The following SRD5A3 variants were observed in gnomAD, a reference collection of about 807,000 sequenced individuals.
SRD5A3 encodes the protein polyprenal reductase.
SRD5A3 carries 24 observed loss-of-function variants against 34.3 expected under a neutral mutation model. The observed-to-expected ratio is 0.70, with a 90% CI of 0.51 to 0.99. SRD5A3 has a LOEUF of 0.99. SRD5A3 is among the 50% of genes least tolerant of loss of function. The pLI is 0.00. For missense variants in SRD5A3, 350 were observed against 388.2 expected (o/e 0.90, Z 0.83); for synonymous variants, 161 against 167.3 (o/e 0.96, Z 0.29).
At chr4:55,348,793 G>T (rs1370705013) in intron 1 of SRD5A3, among the ~76,000 whole-genome samples, 1 of 152,202 alleles carries the variant, frequency 6.6e-6, no homozygotes, top group Admixed American at 6.5e-5. Context: ...ACTAGCAAGG[G>T]TGGTACCTGA....
rs1718997748 is a variant in SRD5A3 at position 55,346,438 on chromosome 4, C to A, written c.102C>A (p.Leu34=). The stretch of plus-strand genomic sequence containing the variant: ...TCCTGCTGACCCTACTGCTGCAGCT[C>A]CTGCCGCCCGGCCTGCTCCCGGGCT... ...AAFLLTLLLQ[L]LPPGLLPGCA... The change falls in exon 1 of 5, where the codon CTC becomes CTA. Residue 34 remains leucine (L), a synonymous_variant. Coordinates refer to ENST00000264228, the MANE Select transcript of SRD5A3 (RefSeq NM_024592.5). 6.2e-7 allele frequency: 1 copy of A among 1,605,626 alleles called. No individual in the cohort carries two copies. The highest frequency in any genetic ancestry group is 1.7e-5 in the Admixed American group (1 of 59,412).
intron 2 of SRD5A3, 100 bp downstream of exon 2, chr4:55,359,588 TC>T: frequency 1.3e-6 from 2 of 1,500,820 alleles, no homozygotes; most frequent in Non-Finnish European, 9.1e-7. Flanking sequence ...TCTCGGCACC[TC>T]CTCAGAAGGG....
intron 2 of SRD5A3, among the ~76,000 whole-genome samples, chr4:55,363,312 A>G (rs879790683): frequency 6.6e-6 from 1 of 152,102 alleles, no homozygotes; most frequent in Non-Finnish European, 1.5e-5. Flanking sequence ...GCACATGACT[A>G]TAGTTCTAGC....
rs555974186 is a variant in SRD5A3, at chr4:55,352,474, G to A, written c.221+5917G>A. The A allele has an allele frequency of 6.9e-4, 453 of 657,592 alleles. 3 individuals carry two copies. The highest frequency in any genetic ancestry group is 3.5e-3 in the South Asian group (224 of 64,528). The allele number at this position is 657,592 out of a possible 1,614,324, so 40.7% of individuals were successfully genotyped here. A position where few individuals can be genotyped will look rare whatever the true frequency, so the allele number is the denominator to read the frequency against. ...GGGCTGTAGCCTTCACGAAACTGCC[G>A]AAGGGGTCCATGATGGAGAAATGGT... On this transcript the variant is annotated intron_variant, in intron 1 of 4. Transcript: ENST00000264228.
chr4:55,356,110 G>A (rs1719451635), intron 1 of SRD5A3, among the ~76,000 whole-genome samples: 1 of 137,778 alleles, frequency 7.3e-6, no homozygotes, highest in African/African-American at 2.7e-5. Context: ...CTGGGTTTAA[G>A]CTATTCTCCT....
At chr4:55,359,147 G>C in intron 1 of SRD5A3, 199 bp from the exon 2 acceptor site, 1 of 637,814 alleles carries the variant, frequency 1.6e-6, no homozygotes, top group East Asian at 3.0e-5. Flanking sequence ...TCTTTTTCCT[G>C]AAAGTTAACT....
chr4:55,349,669 G>GA (rs1340726837), intron 1 of SRD5A3, among the ~76,000 whole-genome samples: 3 of 152,084 alleles, frequency 2.0e-5, no homozygotes, highest in Non-Finnish European at 4.4e-5. Context: ...GTTGCATAGT[G>GA]AATGTAGAAG....
At chr4:55,354,600 C>T (rs1485769962) in intron 1 of SRD5A3, among the ~76,000 whole-genome samples, 1 of 152,146 alleles carries the variant, frequency 6.6e-6, no homozygotes, top group African/African-American at 2.4e-5. Context: ...GCCTGTTTCA[C>T]TCTACCTGGA....
rs553511680 is a variant in SRD5A3, at chr4:55,358,635, TC to T, written c.222-710del. ...TTTTTGTTTCAGCAAATCAACATCA[TC>T]TTTTGCATTAAATTAACATCGCTAA... On this transcript the variant is annotated intron_variant, in intron 1 of 4. Transcript: ENST00000264228. Among the ~76,000 whole-genome samples, 420 of 151,956 alleles carry T rather than the reference TC, an allele frequency of 2.8e-3. 2 individuals carry two copies. Among genetic ancestry groups the T allele is most frequent in the Admixed American group, 4.5e-3 (68 of 15,250 alleles).
At chr4:55,363,788 C>T (rs1471941082) in intron 2 of SRD5A3, among the ~76,000 whole-genome samples, 1 of 152,176 alleles carries the variant, frequency 6.6e-6, no homozygotes, top group African/African-American at 2.4e-5. Flanking sequence ...CCACAGACCT[C>T]TTCACAGACC....
In SRD5A3 at chr4:55,346,567, C is replaced by T. The variant is rs777676728; in HGVS notation, c.221+10C>T. 12 of 1,570,602 alleles carry T rather than the reference C, an allele frequency of 7.6e-6. No individual in the cohort carries two copies. In the Admixed American group the frequency reaches 1.6e-4, roughly 21 times the overall value. On this transcript the variant is annotated intron_variant, in intron 1 of 4. Coordinates refer to ENST00000264228, the MANE Select transcript of SRD5A3 (RefSeq NM_024592.5). ...TTGATGTCCCCAAGAGGTAACCGCG[C>T]CCCGGTCCCGAGCCGCGGTGGTCAA...
intron 1 of SRD5A3, among the ~76,000 whole-genome samples, chr4:55,354,734 A>G (rs1719372264): frequency 6.6e-6 from 1 of 152,210 alleles, no homozygotes; most frequent in Admixed American, 6.5e-5. Context: ...CTGCCATCCC[A>G]GCATTCCTCC....
rs1720118472 is a variant in SRD5A3 at position 55,371,276 on chromosome 4, G to A, written c.*1185G>A. 1 of 152,166 alleles carries A rather than the reference G, an allele frequency of 6.6e-6. No homozygotes were observed. Among genetic ancestry groups the A allele is most frequent in the Admixed American group, 6.5e-5 (1 of 15,280 alleles). The allele number at this position is 152,166 out of a possible 1,614,324, so 9.4% of individuals were successfully genotyped here. ...TTTGAACTAGCAGAAAGTATCTGAA[G>A]ATATTCAGGAATAAAGTTTATACTT... On this transcript the variant is annotated 3_prime_UTR_variant, in exon 5 of 5. Transcript: ENST00000264228.
At chr4:55,349,149 C>T (rs2109459622) in intron 1 of SRD5A3, among the ~76,000 whole-genome samples, 1 of 152,308 alleles carries the variant, frequency 6.6e-6, no homozygotes, top group African/African-American at 2.4e-5. Context: ...ATTCTCCTCC[C>T]TCAGTCTCCT....
chr4:55,372,648 AC>A lies in SRD5A3; in HGVS notation c.*2558del, dbSNP rs1720168667. On this transcript the variant is annotated 3_prime_UTR_variant, in exon 5 of 5. Transcript: ENST00000264228. ...GCATCAGGGACTTTGCAAATTCTTC[AC>A]AAGGACCCAGAAATAGCTTAAAGAT... The A allele has an allele frequency of 6.6e-6, 1 of 152,190 alleles. No homozygotes were observed. The highest frequency in any genetic ancestry group is 6.5e-5 in the Admixed American group (1 of 15,268). 9.4% of individuals were successfully genotyped at this position (152,190 alleles called of 1,614,324 possible).
chr4:55,359,871 C>G (rs1381173461), intron 2 of SRD5A3, among the ~76,000 whole-genome samples: 1 of 152,212 alleles, frequency 6.6e-6, no homozygotes, highest in African/African-American at 2.4e-5. Context: ...ATCATTTATA[C>G]TGTTCCAACC....
Position 55,369,913 on chromosome 4 carries a change from T to G in SRD5A3, c.779T>G (p.Leu260Arg). The stretch of plus-strand genomic sequence containing the variant: ...TCTTCCCCTAACTACTTAGCAGAGC[T>G]GATGATCTACGTTTCCATGGCCGTC... ...YVSSPNYLAE[L>R]MIYVSMAVTF... Residue 260 changes from leucine to arginine, a missense_variant, in exon 5 of 5, where the codon CTG becomes CGG. Coordinates refer to ENST00000264228, the MANE Select transcript of SRD5A3 (RefSeq NM_024592.5). 1 of 1,614,218 alleles carries G rather than the reference T, an allele frequency of 6.2e-7. No homozygotes were observed. The highest frequency in any genetic ancestry group is 1.1e-5 in the South Asian group (1 of 91,078).
chr4:55,348,831 A>G (rs1578200177), intron 1 of SRD5A3, among the ~76,000 whole-genome samples: 7 of 152,300 alleles, frequency 4.6e-5, no homozygotes, highest in South Asian at 2.1e-4. Flanking sequence ...TTAAATCCCA[A>G]GCTCTTATCC....
chr4:55,362,834 G>C (rs1392695980), intron 2 of SRD5A3, among the ~76,000 whole-genome samples: 2 of 148,880 alleles, frequency 1.3e-5, no homozygotes, highest in Admixed American at 1.4e-4. Flanking sequence ...GTGTGTTTGT[G>C]TGTGAGACTT....
Sources: allele counts gnomAD v4.1 joint callset (sites outside exome capture counted in the v4.1 genomes callset), GRCh38; gene constraint gnomAD v4.1.1; transcripts MANE v1.5; gene names NCBI Gene and HGNC (gene_info 2026-07-23, HGNC 2026-07-21).